The following NUP93 variants were observed in gnomAD, a reference collection of about 807,000 sequenced individuals.
The protein encoded by NUP93 is nucleoporin 93, also known as nuclear pore complex protein Nup93.
Under a neutral mutation model 107.8 loss-of-function variants are expected in NUP93, and 55 were observed. The observed-to-expected ratio is 0.51, with a 90% CI of 0.41 to 0.64. The LOEUF (loss-of-function observed/expected upper bound fraction) is 0.64. Among genes scored for constraint, NUP93 ranks in the 30% least tolerant of loss-of-function variants. The pLI, the probability that NUP93 is intolerant of heterozygous loss-of-function variation, is 0.00. For missense variants in NUP93, 937 were observed against 1,044.7 expected (o/e 0.90, Z 1.42); for synonymous variants, 390 against 397.5 (o/e 0.98, Z 0.22).
In NUP93 at chr16:56,846,209, A is replaced by C. The variant is rs1036334213; in HGVS notation, c.*1600A>C. On this transcript the variant is annotated 3_prime_UTR_variant, in exon 22 of 22. Coordinates refer to ENST00000308159, the MANE Select transcript of NUP93 (RefSeq NM_014669.5). ...GGTGATCACCTGAGATCAGGAGTTC[A>C]AGACCAGCCTGGCCAACATTGTGAC... 1.3e-5 allele frequency: 2 copies of C among 150,710 alleles called. No individual in the cohort carries two copies. Among genetic ancestry groups the C allele is most frequent in the Admixed American group, 1.3e-4 (2 of 15,130 alleles). The allele number at this position is 150,710 out of a possible 1,614,324, so 9.3% of individuals were successfully genotyped here. A position where few individuals can be genotyped will look rare whatever the true frequency, so the allele number is the denominator to read the frequency against.
intron 3 of NUP93, among the ~76,000 whole-genome samples, chr16:56,796,495 C>T (rs1962900439): frequency 6.6e-6 from 1 of 152,144 alleles, no homozygotes; most frequent in Non-Finnish European, 1.5e-5. Context: ...GAATGTATCC[C>T]TGTTATTAAA....
At chr16:56,842,498 G>A in intron 21 of NUP93, 1 of 417,240 alleles carries the variant, frequency 2.4e-6, no homozygotes, top group Non-Finnish European at 4.6e-6. Flanking sequence ...CAAAAAAAAA[G>A]AGCAAAGGTA....
chr16:56,752,188 T>C (rs1409180641), intron 2 of NUP93, among the ~76,000 whole-genome samples: 2 of 152,208 alleles, frequency 1.3e-5, no homozygotes, highest in Non-Finnish European at 2.9e-5. Context: ...TGGGACAAAA[T>C]TTAGACATAG....
intron 6 of NUP93, among the ~76,000 whole-genome samples, chr16:56,820,092 A>G (rs1005044317): frequency 6.6e-6 from 1 of 152,176 alleles, no homozygotes; most frequent in Non-Finnish European, 1.5e-5. Flanking sequence ...AAGAGAGACT[A>G]TGTGTCTTCT....
At chr16:56,762,836 G>T (rs1383742482) in intron 3 of NUP93, among the ~76,000 whole-genome samples, 1 of 152,098 alleles carries the variant, frequency 6.6e-6, no homozygotes, top group Non-Finnish European at 1.5e-5. Flanking sequence ...ACATTCCTTG[G>T]CTTAGGGCAG....
chr16:56,790,112 C>CAA (rs2144537503), intron 3 of NUP93, among the ~76,000 whole-genome samples: 1 of 151,824 alleles, frequency 6.6e-6, no homozygotes, highest in African/African-American at 2.4e-5. Context: ...CAAAACAAAA[C>CAA]AAAACAAAAC....
chr16:56,785,682 G>A (rs981431338), intron 3 of NUP93, among the ~76,000 whole-genome samples: 1 of 152,156 alleles, frequency 6.6e-6, no homozygotes, highest in African/African-American at 2.4e-5. Flanking sequence ...GTGATAAGGG[G>A]TGGACCGCAC....
chr16:56,820,220 A>G (rs1430563672), intron 6 of NUP93, among the ~76,000 whole-genome samples: 1 of 152,210 alleles, frequency 6.6e-6, no homozygotes, highest in Non-Finnish European at 1.5e-5. Flanking sequence ...TTTATATCCC[A>G]TGTTGAACAG....
intron 5 of NUP93, among the ~76,000 whole-genome samples, chr16:56,806,187 A>G (rs749472211): frequency 1.3e-5 from 2 of 150,944 alleles, no homozygotes; most frequent in East Asian, 2.0e-4. Context: ...ATAAGTGGCA[A>G]TTCCAGTTTT....
At position 56,735,721 on chromosome 16, in the gene NUP93, G is replaced by C. The variant is rs551728400; in HGVS notation, c.-15+5510G>C. Among the ~76,000 whole-genome samples the C allele has an allele frequency of 2.6e-3, 400 of 152,054 alleles. 3 individuals are homozygous for C. Among genetic ancestry groups the C allele is most frequent in the African/African-American group, 9.2e-3 (383 of 41,452 alleles). ...TGCGTGCCTGTTATCCCAGTTACTC[G>C]GGAGGCTGAGGCAGGAGAATCGCTT... On this transcript the variant is annotated intron_variant, in intron 1 of 21. Transcript: ENST00000308159.
At chr16:56,763,224 A>T (rs560049996) in intron 3 of NUP93, among the ~76,000 whole-genome samples, 48 of 152,224 alleles carry the variant, frequency 3.2e-4, no homozygotes, top group Non-Finnish European at 6.2e-4. Context: ...GCAGGTCCCA[A>T]CTAAGTTTCT....
chr16:56,830,609 G>A lies in NUP93; in HGVS notation c.1009G>A (p.Val337Ile). ...TGGAGACCTGCTTGCCGCTTCACAG[G>A]TAGTTAATCGAGCCCAGCACCAGCT... is the stretch of plus-strand genomic sequence containing the variant. Reference protein sequence around the residue: ...RCGDLLAASQVVNRAQHQLGE... With the variant: ...RCGDLLAASQIVNRAQHQLGE... The change falls in exon 10 of 22, where the codon GTA becomes ATA. Residue 337 changes from valine (V) to isoleucine (I), a missense_variant. Physicochemically the swap from Val to Ile is conservative, Grantham distance 29. Transcript: ENST00000308159. 6.2e-7 allele frequency: 1 copy of A among 1,610,918 alleles called. No individual in the cohort carries two copies. The highest frequency in any genetic ancestry group is 8.5e-7 in the Non-Finnish European group (1 of 1,177,314).
intron 8 of NUP93, among the ~76,000 whole-genome samples, chr16:56,827,993 G>A (rs895472211): frequency 9.2e-5 from 14 of 152,028 alleles, no homozygotes; most frequent in African/African-American, 2.9e-4. Flanking sequence ...GGTGGCCCAC[G>A]CCTGTAATCC....
intron 4 of NUP93, among the ~76,000 whole-genome samples, chr16:56,798,871 C>CAAA (rs1184872315): frequency 2.4e-5 from 2 of 82,958 alleles, no homozygotes; most frequent in African/African-American, 9.4e-5. Context: ...GACCCTGTCT[C>CAAA]AAAAAAAAAA....
intron 8 of NUP93, 119 bp from the exon 9 acceptor site, chr16:56,828,858 T>C: frequency 1.0e-6 from 1 of 969,348 alleles, no homozygotes; most frequent in Non-Finnish European, 1.6e-6. Flanking sequence ...TCTTCTGCAT[T>C]GAGCTTGAAG....
At chr16:56,761,698 A>G (rs1322634784) in intron 3 of NUP93, among the ~76,000 whole-genome samples, 1 of 152,234 alleles carries the variant, frequency 6.6e-6, no homozygotes, top group Non-Finnish European at 1.5e-5. Flanking sequence ...AGTACCGTCC[A>G]GGACTTTGTA....
At position 56,774,425 on chromosome 16, in the gene NUP93, C is replaced by T. The variant is rs1468717008; in HGVS notation, c.297+15770C>T. Among the ~76,000 whole-genome samples the T allele has an allele frequency of 2.6e-5, 4 of 152,126 alleles. No individual in the cohort carries two copies. In the South Asian group the frequency reaches 6.2e-4, roughly 24 times the overall value. On this transcript the variant is annotated intron_variant, in intron 3 of 21. Coordinates refer to ENST00000308159, the MANE Select transcript of NUP93 (RefSeq NM_014669.5). ...AATTTGCTTCTCTCTGTATGCCCCC[C>T]ACCCCCACCATTAAATGTGTGCTAG... is the stretch of plus-strand genomic sequence containing the variant.
Position 56,845,765 on chromosome 16 carries a change from G to A in NUP93, c.*1156G>A, listed in dbSNP as rs1342726754. ...AGGGTCCCCAAAGGTGCCTTTGCTT[G>A]TAGGGAGAAGTTTCTGTCTTGTCAC... On this transcript the variant is annotated 3_prime_UTR_variant, in exon 22 of 22. Coordinates refer to ENST00000308159, the MANE Select transcript of NUP93 (RefSeq NM_014669.5). 6.6e-6 allele frequency: 1 copy of A among 152,202 alleles called. No individual in the cohort carries two copies. Among genetic ancestry groups the A allele is most frequent in the Non-Finnish European group, 1.5e-5 (1 of 68,032 alleles). The allele number at this position is 152,202 out of a possible 1,614,324, so 9.4% of individuals were successfully genotyped here. A position where few individuals can be genotyped will look rare whatever the true frequency, so the allele number is the denominator to read the frequency against.
At chr16:56,771,882 A>T (rs1339022500) in intron 3 of NUP93, among the ~76,000 whole-genome samples, 1 of 152,218 alleles carries the variant, frequency 6.6e-6, no homozygotes, top group African/African-American at 2.4e-5. Context: ...TTGGAACTTT[A>T]GGTGGACTGG....
Sources: allele counts gnomAD v4.1 joint callset (sites outside exome capture counted in the v4.1 genomes callset), GRCh38; gene constraint gnomAD v4.1.1; transcripts MANE v1.5; gene names NCBI Gene and HGNC (gene_info 2026-07-23, HGNC 2026-07-21).